Variants in SLC9A4 observed in about 807,000 individuals in gnomAD.
SLC9A4 encodes the protein solute carrier family 9 member A4, also known as sodium/hydrogen exchanger 4.
Under a neutral mutation model 67.4 loss-of-function variants are expected in SLC9A4, and 63 were observed. The ratio of observed to expected loss-of-function variants is 0.93; its 90% CI spans 0.76 to 1.15. The LOEUF (loss-of-function observed/expected upper bound fraction) is 1.15. Ranked by LOEUF, SLC9A4 falls within the 50% of genes most tolerant of loss-of-function variation. The pLI is 0.00. For synonymous variants in SLC9A4, 393 were observed against 367.2 expected (o/e 1.07, Z -0.80); for missense variants, 1,089 against 987.7 (o/e 1.10, Z -1.38).
rs553153218 is a variant in SLC9A4 at position 102,512,408 on chromosome 2, G to C, written c.1559+135G>C. ...TCCTGAGCCATCCCCTACAGGAAGT[G>C]GTTGAAATTCCAGGGCATGCTAAGC... On this transcript the variant is annotated intron_variant, in intron 7 of 11. Coordinates refer to ENST00000295269, the MANE Select transcript of SLC9A4 (RefSeq NM_001011552.4). 4,164 of 802,836 alleles carry C rather than the reference G, an allele frequency of 5.2e-3. 22 individuals are homozygous for C. Among genetic ancestry groups the C allele is most frequent in the Non-Finnish European group, 5.7e-3 (2,929 of 518,188 alleles). The allele number at this position is 802,836 out of a possible 1,614,324, so 49.7% of individuals were successfully genotyped here.
At chr2:102,516,731 A>G (rs1685284950) in intron 8 of SLC9A4, among the ~76,000 whole-genome samples, 1 of 152,186 alleles carries the variant, frequency 6.6e-6, no homozygotes, top group African/African-American at 2.4e-5. Context: ...TAGAATATGC[A>G]CTTTGATTAC....
At chr2:102,505,144 T>A in intron 3 of SLC9A4, 110 bp from the exon 4 acceptor site, 3 of 940,806 alleles carry the variant, frequency 3.2e-6, no homozygotes, top group Non-Finnish European at 4.8e-6. Context: ...AAGGGAGATA[T>A]TCCTGCATCA....
At position 102,519,949 on chromosome 2, in the gene SLC9A4, G is replaced by A; in HGVS notation, c.1812G>A (p.Arg604=). Residue 604 remains arginine, a synonymous_variant, in exon 9 of 12, where the codon CGG becomes CGA. Transcript: ENST00000295269. ...TGACATCCAACATGTACCAAGTTCGGCAAAGGGTGTGTATGAGCCACCTGT... is the reference window on the plus strand; with the variant it reads ...TGACATCCAACATGTACCAAGTTCGACAAAGGGTGTGTATGAGCCACCTGT... ...DILTSNMYQV[R]QRTLSYNKYN... The A allele has an allele frequency of 2.5e-6, 4 of 1,613,368 alleles. No homozygotes were observed. The highest frequency in any genetic ancestry group is 3.4e-6 in the Non-Finnish European group (4 of 1,179,442).
rs772542830 is a variant in SLC9A4, at chr2:102,525,030, T to A, written c.1825T>A (p.Ser609Thr). Reference sequence around the variant, plus strand: ...CATTCCATTTTCTCTGCAGACCCTGTCCTACAACAAATACAACCTCAAACC... The same window carrying A: ...CATTCCATTTTCTCTGCAGACCCTGACCTACAACAAATACAACCTCAAACC... ...NMYQVRQRTL[S>T]YNKYNLKPQT... Residue 609 changes from serine (S) to threonine (T), a missense_variant, in exon 10 of 12, where the codon TCC (serine) becomes ACC (threonine). Physicochemically the swap from Ser to Thr is moderately conservative, Grantham distance 58. Coordinates refer to ENST00000295269, the MANE Select transcript of SLC9A4 (RefSeq NM_001011552.4). 4 of 1,613,890 alleles carry A rather than the reference T, an allele frequency of 2.5e-6. No individual in the cohort carries two copies. The African/African-American group carries it at 5.3e-5, about 22-fold the overall frequency.
At chr2:102,474,120 C>T (rs1349464179) in intron 1 of SLC9A4, 105 bp downstream of exon 1, 1 of 1,310,700 alleles carries the variant, frequency 7.6e-7, no homozygotes, top group African/African-American at 1.5e-5. Flanking sequence ...ACTGTTACTG[C>T]TATTACATTA....
chr2:102,493,913 A>G (rs1373338189), intron 2 of SLC9A4, among the ~76,000 whole-genome samples: 2 of 151,852 alleles, frequency 1.3e-5, no homozygotes, highest in Non-Finnish European at 2.9e-5. Flanking sequence ...CCCAGTCTAT[A>G]GACAGACTTC....
chr2:102,479,324 C>CG (rs1558658641), intron 2 of SLC9A4, 22 bp downstream of exon 2: 1 of 1,582,664 alleles, frequency 6.3e-7, no homozygotes, highest in Admixed American at 1.7e-5. Context: ...TGTGCCCGCC[C>CG]GGCTTCCGGG....
chr2:102,527,447 CA>C (rs1430668171), intron 11 of SLC9A4, among the ~76,000 whole-genome samples: 24 of 151,926 alleles, frequency 1.6e-4, no homozygotes, highest in South Asian at 4.2e-4. Context: ...ATGCATGTAC[CA>C]AAGCTTATTA....
At position 102,526,444 on chromosome 2, in the gene SLC9A4, A is replaced by G. The variant is rs1357165727; in HGVS notation, c.2038+98A>G. ...AGAGGCAACATTAAGAACATTATGT[A>G]GGTTACTTACATGATAAGAAAAAGA... On this transcript the variant is annotated intron_variant, in intron 11 of 11. Transcript: ENST00000295269. 1.4e-5 allele frequency: 15 copies of G among 1,066,568 alleles called. No individual in the cohort carries two copies. The East Asian group carries it at 2.3e-4, about 16-fold the overall frequency. 66.1% of individuals were successfully genotyped at this position (1,066,568 alleles called of 1,614,324 possible). A position where few individuals can be genotyped will look rare whatever the true frequency, so the allele number is the denominator to read the frequency against.
chr2:102,502,758 G>A (rs1289128765), intron 2 of SLC9A4, among the ~76,000 whole-genome samples: 1 of 152,254 alleles, frequency 6.6e-6, no homozygotes, highest in Non-Finnish European at 1.5e-5. Context: ...CCTGCACTTG[G>A]GAGATGGCAG....
chr2:102,483,902 C>A (rs1422452605), intron 2 of SLC9A4, among the ~76,000 whole-genome samples: 1 of 145,712 alleles, frequency 6.9e-6, no homozygotes, highest in Non-Finnish European at 1.5e-5. Flanking sequence ...AGAAAAATAT[C>A]TCATATATAT....
chr2:102,481,469 C>A (rs1361231268), intron 2 of SLC9A4, among the ~76,000 whole-genome samples: 3 of 152,016 alleles, frequency 2.0e-5, no homozygotes, highest in African/African-American at 4.8e-5. Flanking sequence ...GGTTGACAAA[C>A]TTAAAAAAAT....
intron 1 of SLC9A4, among the ~76,000 whole-genome samples, chr2:102,476,317 G>A (rs1297957312): frequency 1.3e-5 from 2 of 152,178 alleles, no homozygotes; most frequent in African/African-American, 4.8e-5. Flanking sequence ...CTTTCAGACA[G>A]GACTTTTAAT....
chr2:102,530,595 G>T (rs957666753), intron 11 of SLC9A4, among the ~76,000 whole-genome samples: 1 of 152,132 alleles, frequency 6.6e-6, no homozygotes, highest in African/African-American at 2.4e-5. Context: ...CAGTGACCAG[G>T]GTCTGTCCAC....
intron 8 of SLC9A4, among the ~76,000 whole-genome samples, chr2:102,518,392 T>C (rs1447246748): frequency 1.3e-5 from 2 of 152,208 alleles, no homozygotes; most frequent in Non-Finnish European, 2.9e-5. Flanking sequence ...TGTGTTCAGA[T>C]TGTGGAAGTG....
At chr2:102,486,414 T>A (rs1684590327) in intron 2 of SLC9A4, among the ~76,000 whole-genome samples, 1 of 152,252 alleles carries the variant, frequency 6.6e-6, no homozygotes, top group Admixed American at 6.5e-5. Context: ...ACCCTAATGA[T>A]GCCACATCTT....
Position 102,513,367 on chromosome 2 carries a change from G to A in SLC9A4, c.1560-723G>A, listed in dbSNP as rs187188846. Among the ~76,000 whole-genome samples, 379 of 152,282 alleles carry A rather than the reference G, an allele frequency of 2.5e-3. 3 individuals are homozygous for A. Among genetic ancestry groups the A allele is most frequent in the African/African-American group, 8.6e-3 (357 of 41,556 alleles). On this transcript the variant is annotated intron_variant, in intron 7 of 11. Transcript: ENST00000295269. Reference sequence around the variant, plus strand: ...CCCCTCTGGAAAATAAAGCAGGCGGGCAAACTACTCTTTGAATGTAAAATG... The same window carrying A: ...CCCCTCTGGAAAATAAAGCAGGCGGACAAACTACTCTTTGAATGTAAAATG...
At chr2:102,518,570 G>C (rs1256185790) in intron 8 of SLC9A4, among the ~76,000 whole-genome samples, 2 of 152,186 alleles carry the variant, frequency 1.3e-5, no homozygotes, top group South Asian at 2.1e-4. Context: ...AGTTTATAGA[G>C]AGGACATTAG....
intron 9 of SLC9A4, among the ~76,000 whole-genome samples, chr2:102,524,598 G>A (rs1037632199): frequency 2.0e-5 from 3 of 149,166 alleles, no homozygotes; most frequent in Admixed American, 6.6e-5. Context: ...GTGTGCTTGC[G>A]TGTGTAGGTA....
Sources: gnomAD v4.1 joint callset for allele counts (sites outside exome capture counted in the v4.1 genomes callset) on GRCh38, gnomAD v4.1.1 for gene constraint, MANE v1.5 for transcripts, NCBI Gene and HGNC (gene_info 2026-07-23, HGNC 2026-07-21) for gene names.